The following TENT5D variants were observed in gnomAD, a reference collection of about 807,000 sequenced individuals.
TENT5D encodes the protein cancer/testis antigen 112.
For synonymous variants in TENT5D, 103 were observed against 100.6 expected (o/e 1.02, Z -0.15); for missense variants, 191 against 287.0 (o/e 0.67, Z 2.42).
At chrX:80,417,910 G>C (rs1237380835), upstream of TENT5D, among the ~76,000 whole-genome samples, 2 of 111,269 alleles carry the variant, frequency 1.8e-5, no homozygotes, top group Admixed American at 9.6e-5. Flanking sequence ...GTTTTCCAAG[G>C]TGTTTGCTTT....
chrX:80,387,220 G>C (rs1931033486), intron 3 of TENT5D, among the ~76,000 whole-genome samples: 1 of 112,063 alleles, frequency 8.9e-6, no homozygotes, highest in African/African-American at 3.2e-5. Context: ...CTCCCTCCAT[G>C]GGATTGGTTC....
intron 3 of TENT5D, among the ~76,000 whole-genome samples, chrX:80,364,184 T>C (rs941037979): frequency 8.9e-6 from 1 of 111,769 alleles, no homozygotes; most frequent in South Asian, 3.7e-4. Context: ...CTGCCTACTT[T>C]ACAAGCTGAT....
intron 1 of TENT5D, among the ~76,000 whole-genome samples, chrX:80,427,459 A>G (rs1932008043): frequency 8.9e-6 from 1 of 112,435 alleles, no homozygotes; most frequent in Non-Finnish European, 1.9e-5. Context: ...TTTACCAATA[A>G]TCTTTAAGGC....
At chrX:80,340,450 G>A (rs890241853) in intron 2 of TENT5D, among the ~76,000 whole-genome samples, 2 of 110,612 alleles carry the variant, frequency 1.8e-5, no homozygotes, top group Non-Finnish European at 3.8e-5. Context: ...ATTGATTCTC[G>A]AGTCTCTAAT....
rs369574399 is a variant in TENT5D at position 80,434,207 on chromosome X, TAAA to T, written c.-141-4391_-141-4389del. Among the ~76,000 whole-genome samples, 14 of 85,039 alleles carry T rather than the reference TAAA, an allele frequency of 1.6e-4. No homozygotes were observed. The East Asian group carries it at 4.7e-3, about 29-fold the overall frequency. The allele number at this position is 85,039 out of a possible 115,157, so 73.8% of individuals were successfully genotyped here. On this transcript the variant is annotated intron_variant, in intron 1 of 2. Transcript: ENST00000308293. ...TATTTTAAAAGAGATGATCATAAAGTAAAAAAAAAAAAAAGACAGATCAGGATA... is the reference window on the plus strand; with the variant it reads ...TATTTTAAAAGAGATGATCATAAAGTAAAAAAAAAAAGACAGATCAGGATA...
chrX:80,343,918 C>T (rs954033456), intron 3 of TENT5D, among the ~76,000 whole-genome samples: 12 of 110,470 alleles, frequency 1.1e-4, no homozygotes, highest in African/African-American at 4.0e-4. Context: ...ACATAGTACC[C>T]AATAGGTACT....
intron 3 of TENT5D, among the ~76,000 whole-genome samples, chrX:80,404,352 A>G (rs1931441729): frequency 9.0e-6 from 1 of 111,722 alleles, no homozygotes; most frequent in African/African-American, 3.3e-5. Context: ...AATCTTGTAA[A>G]AAATCTATAA....
Position 80,362,717 on chromosome X carries a change from T to A in TENT5D, c.-142+20153T>A, listed in dbSNP as rs752900558. 2.7e-5 allele frequency among the ~76,000 whole-genome samples: 3 copies of A among 111,640 alleles called. No homozygotes were observed. The East Asian group carries it at 8.4e-4, about 31-fold the overall frequency. On this transcript the variant is annotated intron_variant, in intron 3 of 4. Coordinates refer to the TENT5D transcript ENST00000538312. ...AGCATAATAATACAGCTCACTGTGG[T>A]CCCAGAGCCTCTTCCCTCTAATGGG... is the stretch of plus-strand genomic sequence containing the variant.
chrX:80,347,665 T>G (rs1930091791), intron 3 of TENT5D, among the ~76,000 whole-genome samples: 1 of 112,336 alleles, frequency 8.9e-6, no homozygotes. Flanking sequence ...GAGCAGAAGC[T>G]CTTTAGTTTA....
At chrX:80,391,362 A>C (rs1931123962) in intron 3 of TENT5D, among the ~76,000 whole-genome samples, 1 of 112,183 alleles carries the variant, frequency 8.9e-6, no homozygotes, top group Non-Finnish European at 1.9e-5. Context: ...TGAAAAGATA[A>C]AAGCAAATAA....
At chrX:80,391,988 G>A (rs1183742136) in intron 3 of TENT5D, among the ~76,000 whole-genome samples, 2 of 112,059 alleles carry the variant, frequency 1.8e-5, no homozygotes, top group East Asian at 5.6e-4. Flanking sequence ...CATGGTTTTT[G>A]GAACCAGTTA....
intron 2 of TENT5D, 54 bp from the exon 3 acceptor site, chrX:80,442,468 C>T: frequency 1.1e-6 from 1 of 889,380 alleles, no homozygotes; most frequent in Middle Eastern, 3.8e-4. Context: ...TATGCTTTAG[C>T]ATTGGTTTTA....
At chrX:80,412,323 G>T (rs971428717) in intron 3 of TENT5D, among the ~76,000 whole-genome samples, 1 of 112,488 alleles carries the variant, frequency 8.9e-6, no homozygotes, top group Non-Finnish European at 1.9e-5. Flanking sequence ...AGGAGAGGCT[G>T]CCACGAAGGT....
chrX:80,336,909 C>T (rs1307789530), intron 2 of TENT5D, among the ~76,000 whole-genome samples: 2 of 112,039 alleles, frequency 1.8e-5, no homozygotes, highest in Non-Finnish European at 3.8e-5. Flanking sequence ...AAGTAAAAGA[C>T]GAATCGTAGC....
chrX:80,347,706 G>C (rs1040599780), intron 3 of TENT5D, among the ~76,000 whole-genome samples: 15 of 112,056 alleles, frequency 1.3e-4, no homozygotes, highest in Non-Finnish European at 2.4e-4. Context: ...TTTGGCTTTT[G>C]TTGCAATTGC....
At chrX:80,373,186 A>G (rs1930660557) in intron 3 of TENT5D, among the ~76,000 whole-genome samples, 1 of 111,259 alleles carries the variant, frequency 9.0e-6, no homozygotes, top group East Asian at 2.8e-4. Flanking sequence ...ATGTAAATAT[A>G]CATTTTTAAA....
intron 3 of TENT5D, among the ~76,000 whole-genome samples, chrX:80,406,018 A>G (rs1931484886): frequency 9.2e-6 from 1 of 108,408 alleles, no homozygotes; most frequent in Admixed American, 9.8e-5. Flanking sequence ...AGGGTATTCC[A>G]ACAGACCTGC....
chrX:80,335,910 C>A (rs1351652105), intron 2 of TENT5D, among the ~76,000 whole-genome samples: 1 of 108,593 alleles, frequency 9.2e-6, no homozygotes, highest in African/African-American at 3.4e-5. Context: ...CTTTTTTTTT[C>A]AATATATATA....
Position 80,435,608 on chromosome X carries a change from T to C in TENT5D, c.-141-3002T>C, listed in dbSNP as rs958908557. 2.7e-5 allele frequency among the ~76,000 whole-genome samples: 3 copies of C among 112,433 alleles called. No homozygotes were observed. In the Admixed American group the frequency reaches 2.8e-4, roughly 11 times the overall value. ...CAGTCAACAAATTTTACCCAAGGTA[T>C]CTATTTTGAACAGATTATAAAATAG... On this transcript the variant is annotated intron_variant, in intron 1 of 2. Transcript: ENST00000308293.
Sources: gnomAD v4.1 joint callset for allele counts (sites outside exome capture counted in the v4.1 genomes callset) on GRCh38, gnomAD v4.1.1 for gene constraint, MANE v1.5 for transcripts, NCBI Gene and HGNC (gene_info 2026-07-23, HGNC 2026-07-21) for gene names.